The following ADAM18 variants were observed in gnomAD, a reference collection of about 807,000 sequenced individuals.
ADAM18 encodes the protein disintegrin and metalloproteinase domain-containing protein 18.
ADAM18 carries 117 observed loss-of-function variants against 94.4 expected under a neutral mutation model. That is an observed-to-expected ratio of 1.24 (90% confidence interval 1.07 to 1.45). The LOEUF is 1.45. Among genes scored for constraint, ADAM18 ranks in the 40% most tolerant of loss-of-function variants. The pLI, the probability that ADAM18 is intolerant of heterozygous loss-of-function variation, is 0.00. For missense variants in ADAM18, 936 were observed against 880.0 expected (o/e 1.06, Z -0.81); for synonymous variants, 327 against 291.6 (o/e 1.12, Z -1.24).
In ADAM18 at chr8:39,692,737, A is replaced by G. The variant is rs571231267; in HGVS notation, c.1902+57A>G. ...ATTCTTGTGGGTAATTCAAATAAAC[A>G]TCTGTTTATGAGGATTGAGAGTCTA... On this transcript the variant is annotated intron_variant, in intron 17 of 19. Coordinates refer to ENST00000265707, the MANE Select transcript of ADAM18 (RefSeq NM_014237.3). The G allele has an allele frequency of 2.9e-5, 41 of 1,408,814 alleles. No individual in the cohort carries two copies. The East Asian group carries it at 8.6e-4, about 29-fold the overall frequency. The allele number at this position is 1,408,814 out of a possible 1,614,324, so 87.3% of individuals were successfully genotyped here. A position where few individuals can be genotyped will look rare whatever the true frequency, so the allele number is the denominator to read the frequency against.
chr8:39,702,096 C>G (rs1395274502), intron 17 of ADAM18, among the ~76,000 whole-genome samples: 5 of 152,150 alleles, frequency 3.3e-5, no homozygotes, highest in African/African-American at 1.2e-4. Context: ...CTAATTAACA[C>G]TCCCACCAAC....
At chr8:39,611,675 T>G in intron 6 of ADAM18, 2 of 814,532 alleles carry the variant, frequency 2.5e-6, no homozygotes, top group Non-Finnish European at 3.0e-6. Context: ...TAATTATTTT[T>G]ATGGAATACA....
chr8:39,628,179 G>C (rs536509376), intron 6 of ADAM18, among the ~76,000 whole-genome samples: 7 of 151,836 alleles, frequency 4.6e-5, no homozygotes, highest in Non-Finnish European at 1.0e-4. Flanking sequence ...TGAGCAATAA[G>C]TTGTATGGTC....
chr8:39,723,250 GC>G (rs1563321825), intron 18 of ADAM18, among the ~76,000 whole-genome samples: 2 of 151,344 alleles, frequency 1.3e-5, no homozygotes, highest in African/African-American at 4.8e-5. Flanking sequence ...GCACACAGAT[GC>G]ACATGTTATG....
chr8:39,603,038 G>A (rs746862603), intron 2 of ADAM18, among the ~76,000 whole-genome samples: 1 of 149,326 alleles, frequency 6.7e-6, no homozygotes, highest in South Asian at 2.1e-4. Flanking sequence ...GTTCTATCTT[G>A]CACACTTGTG....
intron 14 of ADAM18, 53 bp from the exon 15 acceptor site, chr8:39,677,378 A>T: frequency 1.4e-6 from 2 of 1,408,948 alleles, no homozygotes; most frequent in Non-Finnish European, 2.0e-6. Flanking sequence ...TTACTGACAA[A>T]CATTTAACTC....
At chr8:39,660,896 T>C (rs933052797) in intron 12 of ADAM18, among the ~76,000 whole-genome samples, 2 of 152,206 alleles carry the variant, frequency 1.3e-5, no homozygotes, top group Non-Finnish European at 2.9e-5. Flanking sequence ...AGTTGCCATC[T>C]TTAGAAAGAC....
intron 15 of ADAM18, among the ~76,000 whole-genome samples, chr8:39,678,305 T>G (rs560447962): frequency 7.2e-5 from 11 of 152,338 alleles, no homozygotes; most frequent in Middle Eastern, 3.4e-3. Flanking sequence ...GCAATACAGT[T>G]CCTTTATTAA....
chr8:39,645,375 T>C lies in ADAM18; in HGVS notation c.947T>C (p.Ile316Thr). ...ATAGGTTTGGAGGGATTTTCGGTTA[T>C]TATAGCTCAACTGCTTGGCCTTAAT... The part of the protein sequence containing the change: ...DAIGLEGFSV[I>T]IAQLLGLNVG... The change falls in exon 11 of 20, where the codon ATT becomes ACT. Residue 316 changes from isoleucine (I) to threonine (T), a missense_variant. Coordinates refer to ENST00000265707, the MANE Select transcript of ADAM18 (RefSeq NM_014237.3). The C allele has an allele frequency of 6.2e-7, 1 of 1,612,534 alleles. No individual in the cohort carries two copies. Among genetic ancestry groups the C allele is most frequent in the Non-Finnish European group, 8.5e-7 (1 of 1,179,210 alleles).
At chr8:39,721,182 C>T (rs890700485) in intron 18 of ADAM18, among the ~76,000 whole-genome samples, 2 of 151,358 alleles carry the variant, frequency 1.3e-5, no homozygotes, top group African/African-American at 4.8e-5. Context: ...CCACACTCAC[C>T]CTATTCAATA....
At chr8:39,711,633 G>T (rs905123103) in intron 18 of ADAM18, among the ~76,000 whole-genome samples, 1 of 152,024 alleles carries the variant, frequency 6.6e-6, no homozygotes, top group African/African-American at 2.4e-5. Flanking sequence ...CACTACAAGG[G>T]TTTAAAAGTG....
At chr8:39,608,980 T>G in intron 3 of ADAM18, 62 bp from the exon 4 acceptor site, 1 of 943,070 alleles carries the variant, frequency 1.1e-6, no homozygotes, top group East Asian at 2.8e-5. Context: ...TATGTAATAT[T>G]TGTTTTTAAC....
At chr8:39,613,443 C>G (rs147023666) in intron 6 of ADAM18, among the ~76,000 whole-genome samples, 1 of 152,140 alleles carries the variant, frequency 6.6e-6, no homozygotes, top group African/African-American at 2.4e-5. Context: ...CATGGTCAAA[C>G]TCTCAAAGCA....
At chr8:39,723,939 T>G (rs963362476) in intron 19 of ADAM18, 32 bp downstream of exon 19, 5 of 1,287,118 alleles carry the variant, frequency 3.9e-6, no homozygotes, top group East Asian at 2.7e-5. Context: ...TGTATTAGGT[T>G]TAATTATCCT....
rs371897963 is a variant in ADAM18, at chr8:39,635,585, A to G, written c.589-1679A>G. 1.6e-4 allele frequency among the ~76,000 whole-genome samples: 24 copies of G among 152,308 alleles called. No homozygotes were observed. The East Asian group carries it at 4.6e-3, about 29-fold the overall frequency. On this transcript the variant is annotated intron_variant, in intron 7 of 19. Coordinates refer to ENST00000265707, the MANE Select transcript of ADAM18 (RefSeq NM_014237.3). ...TAATGTTTCTACATTATTAACAACT[A>G]TTATAAAATTTTTGACATTTTTCCC...
At chr8:39,586,625 G>A (rs550068152) in intron 2 of ADAM18, among the ~76,000 whole-genome samples, 8 of 152,244 alleles carry the variant, frequency 5.3e-5, no homozygotes, top group African/African-American at 1.9e-4. Context: ...TGTTCTGGAG[G>A]CTGAGGTGGG....
intron 16 of ADAM18, among the ~76,000 whole-genome samples, chr8:39,687,627 C>T (rs1409817383): frequency 1.3e-5 from 2 of 152,126 alleles, no homozygotes; most frequent in Non-Finnish European, 2.9e-5. Context: ...TCCCCATCCT[C>T]CCATTTCAAG....
chr8:39,672,154 G>A (rs1431736505), intron 14 of ADAM18, among the ~76,000 whole-genome samples: 2 of 152,138 alleles, frequency 1.3e-5, no homozygotes, highest in Admixed American at 1.3e-4. Context: ...AAAGGCTCAG[G>A]GAAGTGGGAA....
chr8:39,649,838 C>T (rs927904915), intron 12 of ADAM18, among the ~76,000 whole-genome samples: 3 of 152,002 alleles, frequency 2.0e-5, no homozygotes, highest in African/African-American at 2.4e-5. Context: ...AGGAAATTCT[C>T]GGAGGCATTT....
Sources: allele counts gnomAD v4.1 joint callset (sites outside exome capture counted in the v4.1 genomes callset), GRCh38; gene constraint gnomAD v4.1.1; transcripts MANE v1.5; gene names NCBI Gene and HGNC (gene_info 2026-07-23, HGNC 2026-07-21).